Variants in CYP2F1 observed in about 807,000 individuals in gnomAD.
CYP2F1 encodes cytochrome P450 2F1.
Under a neutral mutation model 40.4 loss-of-function variants are expected in CYP2F1, and 33 were observed. That is an observed-to-expected ratio of 0.82 (90% CI 0.62 to 1.09). CYP2F1 has a LOEUF of 1.09. Among genes scored for constraint, CYP2F1 ranks in the 50% least tolerant of loss-of-function variants. The pLI is 0.00. For synonymous variants in CYP2F1, 235 were observed against 277.2 expected (o/e 0.85, Z 1.51); for missense variants, 566 against 655.7 (o/e 0.86, Z 1.49).
chr19:41,115,792 A>AAAGG (rs931625856), intron 1 of CYP2F1, among the ~76,000 whole-genome samples: 14 of 152,086 alleles, frequency 9.2e-5, no homozygotes, highest in Admixed American at 5.9e-4. Context: ...AAAGAAAAAG[A>AAAGG]AAGGAAGGAA....
intron 4 of CYP2F1, 91 bp downstream of exon 4, chr19:41,120,587 T>G: frequency 7.3e-7 from 1 of 1,371,060 alleles, no homozygotes; most frequent in Non-Finnish European, 1.0e-6. Flanking sequence ...GCCCAAACCA[T>G]CCTCCCACCT....
At chr19:41,121,405 T>C in intron 4 of CYP2F1, 53 bp from the exon 5 acceptor site, 1 of 1,544,804 alleles carries the variant, frequency 6.5e-7, no homozygotes, top group South Asian at 1.2e-5. Flanking sequence ...CTGCATGAGG[T>C]CTGGTGTGCT....
chr19:41,126,479 C>A (rs1335031551), intron 9 of CYP2F1, among the ~76,000 whole-genome samples: 1 of 151,628 alleles, frequency 6.6e-6, no homozygotes, highest in Non-Finnish European at 1.5e-5. Context: ...GGGCCAGGCA[C>A]ATTGGCTCAC....
intron 7 of CYP2F1, among the ~76,000 whole-genome samples, chr19:41,124,343 A>C (rs145766010): frequency 0.015 from 1,951 of 133,770 alleles, 37 homozygotes; most frequent in African/African-American, 0.043. Context: ...AGCTCACTGC[A>C]ACCTCCTCCT....
At chr19:41,115,679 A>G (rs1398562312) in intron 1 of CYP2F1, among the ~76,000 whole-genome samples, 2 of 152,024 alleles carry the variant, frequency 1.3e-5, no homozygotes, top group South Asian at 2.1e-4. Context: ...TGATGGATAG[A>G]CAGATGATAG....
At chr19:41,125,275 C>T (rs2032485944) in intron 8 of CYP2F1, 1 of 618,794 alleles carries the variant, frequency 1.6e-6, no homozygotes, top group Non-Finnish European at 2.8e-6. Context: ...GGGGGTTTCC[C>T]ACATCCCTGC....
intron 3 of CYP2F1, among the ~76,000 whole-genome samples, chr19:41,116,901 C>A (rs2031848183): frequency 1.3e-5 from 2 of 152,066 alleles, no homozygotes; most frequent in Admixed American, 1.3e-4. Context: ...ATCCCAACCG[C>A]ATCATCAACT....
chr19:41,124,616 C>CT (rs752740863), intron 7 of CYP2F1, 103 bp from the exon 8 acceptor site: 81 of 1,116,922 alleles, frequency 7.3e-5, no homozygotes, highest in Non-Finnish European at 6.7e-5. Flanking sequence ...CGCTGGGAGA[C>CT]TTTGACTAGA....
chr19:41,115,703 AGATAG>A (rs2031753227), intron 1 of CYP2F1, among the ~76,000 whole-genome samples: 1 of 152,146 alleles, frequency 6.6e-6, no homozygotes, highest in Admixed American at 6.6e-5. Context: ...ATAGATAGAT[AGATAG>A]ATGATAGATA....
At chr19:41,126,928 GA>G (rs1269140515) in intron 9 of CYP2F1, among the ~76,000 whole-genome samples, 2 of 152,054 alleles carry the variant, frequency 1.3e-5, no homozygotes, top group African/African-American at 4.8e-5. Flanking sequence ...TTACCCTGCT[GA>G]AAAACTCCCT....
intron 7 of CYP2F1, chr19:41,123,390 C>G (rs1470547830): frequency 8.6e-6 from 3 of 349,492 alleles, no homozygotes; most frequent in South Asian, 2.2e-5. Context: ...GCTAATTTTT[C>G]TATTTTTAGT....
intron 3 of CYP2F1, among the ~76,000 whole-genome samples, chr19:41,119,723 C>CTCTCTCTCTCTATATATA (rs1478574507): frequency 2.5e-4 from 9 of 35,806 alleles, no homozygotes; most frequent in Non-Finnish European, 3.1e-4. Context: ...CTCTCTCTCT[C>CTCTCTCTCTCTATATATA]TATATATATA....
chr19:41,116,105 G>T, intron 1 of CYP2F1, 73 bp from the exon 2 acceptor site: 2 of 1,415,048 alleles, frequency 1.4e-6, no homozygotes, highest in South Asian at 1.4e-5. Flanking sequence ...GCCTAGGGAA[G>T]GTAAGTCCCA....
chr19:41,115,059 C>T lies in CYP2F1; in HGVS notation c.-12+567C>T, dbSNP rs186277774. On this transcript the variant is annotated intron_variant, in intron 1 of 9. Transcript: ENST00000331105. The stretch of plus-strand genomic sequence containing the variant: ...TGCTGGGATTACAGGCGTGAGCCAC[C>T]GTGCCCGGCCTCAGTCTCTCTTGGT... Among the ~76,000 whole-genome samples, 21 of 152,110 alleles carry T rather than the reference C, an allele frequency of 1.4e-4. No individual in the cohort carries two copies. In the East Asian group the frequency reaches 2.1e-3, roughly 15 times the overall value.
chr19:41,128,002 G>A lies in CYP2F1; in HGVS notation c.1396G>A (p.Glu466Lys), dbSNP rs149171039. 1.7e-5 allele frequency: 27 copies of A among 1,613,370 alleles called. No homozygotes were observed. In the African/African-American group the frequency reaches 1.9e-4, roughly 11 times the overall value. Residue 466 changes from glutamate (E) to lysine (K), a missense_variant, in exon 10 of 10, where the codon GAG (glutamate) becomes AAG (lysine). Physicochemically the swap from Glu to Lys is moderately conservative, Grantham distance 56. This residue lies in a region of CYP2F1 where 85 missense variants were observed against 84.9 expected (regional missense o/e 1.00). Transcript: ENST00000331105. ...TTCGCTGCAGCCGCTGGGTGCGCCC[G>A]AGGACATCGACCTGACCCCACTCAG... ...SFSLQPLGAP[E>K]DIDLTPLSSG... is the part of the protein sequence containing the mutation.
chr19:41,121,933 C>G, intron 5 of CYP2F1, 24 bp from the exon 6 acceptor site: 2 of 1,607,930 alleles, frequency 1.2e-6, no homozygotes, highest in South Asian at 1.1e-5. Flanking sequence ...CCTCCAAAAC[C>G]CTCCTACTCT....
rs529398492 is a variant in CYP2F1, at chr19:41,122,101, T to C, written c.790T>C (p.Phe264Leu). Residue 264 changes from phenylalanine to leucine, a missense_variant, in exon 6 of 10, where the codon TTC becomes CTC. By Grantham distance (22) the Phe-to-Leu change is conservative. This residue lies in a region of CYP2F1 where 62 missense variants were observed against 105.6 expected (regional missense o/e 0.59). Coordinates refer to ENST00000331105, the MANE Select transcript of CYP2F1 (RefSeq NM_000774.5). Reference sequence around the variant, plus strand: ...GCTAGACCCCAGATCTCCCCGGGACTTCATCCAGTGCTTCCTCACCAAGAT... The same window carrying C: ...GCTAGACCCCAGATCTCCCCGGGACCTCATCCAGTGCTTCCTCACCAAGAT... ...ASLDPRSPRD[F>L]IQCFLTKMAE... 4.5e-5 allele frequency: 69 copies of C among 1,529,382 alleles called. 9 individuals carry two copies. The Admixed American group carries it at 4.6e-4, about 10-fold the overall frequency. The allele number at this position is 1,529,382 out of a possible 1,614,324, so 94.7% of individuals were successfully genotyped here.
At position 41,116,290 on chromosome 19, in the gene CYP2F1, C is replaced by A. The variant is rs569175919; in HGVS notation, c.102C>A (p.Pro34=). 1.1e-5 allele frequency: 18 copies of A among 1,614,150 alleles called. No individual in the cohort carries two copies. The highest frequency in any genetic ancestry group is 1.2e-5 in the Non-Finnish European group (14 of 1,180,024). ...ATAAGGGAAAGCTGCCTCCGGGACC[C>A]AGACCCCTCTCAATCCTGGGAAACC... The part of the protein sequence containing the change: ...SRDKGKLPPG[P]RPLSILGNLL... Residue 34 remains proline, a synonymous_variant, in exon 2 of 10, where the codon CCC becomes CCA. Transcript: ENST00000331105.
At chr19:41,123,488 G>T (rs1165537822) in intron 7 of CYP2F1, 2 of 330,728 alleles carry the variant, frequency 6.0e-6, no homozygotes, top group African/African-American at 2.2e-5. Flanking sequence ...AAAGTGCTGG[G>T]ATTACAGGCG....
Sources: gnomAD v4.1 joint callset for allele counts (sites outside exome capture counted in the v4.1 genomes callset) on GRCh38, gnomAD v4.1.1 for gene constraint, gnomAD v4.1.1 regional missense constraint, MANE v1.5 for transcripts, NCBI Gene and HGNC (gene_info 2026-07-23, HGNC 2026-07-21) for gene names.